Variants in LTBP1 observed in about 807,000 individuals in gnomAD.
LTBP1 encodes the protein latent transforming growth factor beta binding protein 1.
A neutral mutation model predicts 207.6 loss-of-function variants in LTBP1; 129 were observed. That is an observed-to-expected ratio of 0.62 (90% CI 0.54 to 0.72). The LOEUF (loss-of-function observed/expected upper bound fraction) is 0.72, where lower values mean the gene tolerates loss of function less well. Among genes scored for constraint, LTBP1 ranks in the 30% least tolerant of loss-of-function variants. LTBP1 has a pLI of 0.00. For synonymous variants in LTBP1, 963 were observed against 833.7 expected, an observed-to-expected ratio of 1.16 and a Z score of -2.67; for missense variants, 2,281 against 2,217.2, an observed-to-expected ratio of 1.03 and a Z score of -0.58.
intron 2 of LTBP1, among the ~76,000 whole-genome samples, chr2:32,979,778 T>C (rs993947196): frequency 2.6e-5 from 4 of 152,202 alleles, no homozygotes; most frequent in African/African-American, 9.6e-5. Context: ...AAGTGTGCAG[T>C]GTTAAAGTTT....
At chr2:33,380,424 CAA>C (rs35730871) in intron 31 of LTBP1, among the ~76,000 whole-genome samples, 6 of 125,652 alleles carry the variant, frequency 4.8e-5, no homozygotes, top group Non-Finnish European at 6.8e-5. Context: ...TAAAAAAATA[CAA>C]AAAAAAAAAA....
intron 24 of LTBP1, among the ~76,000 whole-genome samples, chr2:33,322,364 G>C (rs2094368306): frequency 6.6e-6 from 1 of 152,138 alleles, no homozygotes. Flanking sequence ...AACAACCCGA[G>C]TCCTTTTTAG....
chr2:33,005,744 G>A lies in LTBP1; in HGVS notation c.566-15165G>A, dbSNP rs185639869. Among the ~76,000 whole-genome samples, 19 of 152,026 alleles carry A rather than the reference G, an allele frequency of 1.2e-4. No individual in the cohort carries two copies. The East Asian group carries it at 3.7e-3, about 30-fold the overall frequency. On this transcript the variant is annotated intron_variant, in intron 2 of 33. Transcript: ENST00000404816. ...TGGGCTTACAGGCGCCCGCCAACATGCCTGGCTAATTTTTGTATTTTTAGT... is the reference window on the plus strand; with the variant it reads ...TGGGCTTACAGGCGCCCGCCAACATACCTGGCTAATTTTTGTATTTTTAGT...
At chr2:33,031,839 A>G (rs1361310214) in intron 3 of LTBP1, among the ~76,000 whole-genome samples, 2 of 152,170 alleles carry the variant, frequency 1.3e-5, no homozygotes, top group African/African-American at 4.8e-5. Context: ...AGGAATATGA[A>G]GATGGCTCTG....
intron 2 of LTBP1, among the ~76,000 whole-genome samples, chr2:32,949,263 C>T (rs1190115617): frequency 2.0e-5 from 3 of 152,202 alleles, no homozygotes; most frequent in Non-Finnish European, 2.9e-5. Flanking sequence ...TGCCATATGG[C>T]AGAACCAATG....
At chr2:33,020,325 G>A (rs1205711624) in intron 2 of LTBP1, among the ~76,000 whole-genome samples, 1 of 152,078 alleles carries the variant, frequency 6.6e-6, no homozygotes, top group Non-Finnish European at 1.5e-5. Flanking sequence ...TGGGGTTGGG[G>A]ATTGGACTGA....
intron 2 of LTBP1, among the ~76,000 whole-genome samples, chr2:33,014,968 C>G (rs1394856486): frequency 6.6e-6 from 1 of 150,836 alleles, no homozygotes; most frequent in East Asian, 1.9e-4. Context: ...CTGAGTTTAT[C>G]GCTGTCTTGG....
At chr2:33,125,331 T>C (rs1486012654) in intron 4 of LTBP1, among the ~76,000 whole-genome samples, 8 of 152,290 alleles carry the variant, frequency 5.3e-5, no homozygotes, top group Middle Eastern at 3.4e-3. Flanking sequence ...GCTTACATGA[T>C]TGTCATGTGT....
intron 4 of LTBP1, among the ~76,000 whole-genome samples, chr2:33,111,576 C>T (rs1250330759): frequency 6.6e-6 from 1 of 152,158 alleles, no homozygotes; most frequent in African/African-American, 2.4e-5. Flanking sequence ...ACAGTTTTTA[C>T]TACTGTTTGG....
At chr2:33,244,356 C>T (rs529062608) in intron 10 of LTBP1, among the ~76,000 whole-genome samples, 37 of 152,192 alleles carry the variant, frequency 2.4e-4, no homozygotes, top group Non-Finnish European at 4.1e-4. Flanking sequence ...CCAAAATGAC[C>T]CTAAATTATA....
chr2:33,021,621 C>A (rs1179936976), intron 3 of LTBP1, among the ~76,000 whole-genome samples: 3 of 152,118 alleles, frequency 2.0e-5, no homozygotes, highest in African/African-American at 2.4e-5. Flanking sequence ...GGTAAGAACT[C>A]AGCTTGCACA....
intron 26 of LTBP1, among the ~76,000 whole-genome samples, chr2:33,360,023 T>C (rs1274900398): frequency 6.6e-6 from 1 of 152,220 alleles, no homozygotes; most frequent in Non-Finnish European, 1.5e-5. Context: ...CTGGCACTCA[T>C]TATGTCATTC....
chr2:33,285,561 G>A (rs1244610250), intron 19 of LTBP1, among the ~76,000 whole-genome samples: 1 of 148,406 alleles, frequency 6.7e-6, no homozygotes, highest in Non-Finnish European at 1.5e-5. Flanking sequence ...CAGTTCTCCT[G>A]CCTCAGTCTC....
Position 33,286,789 on chromosome 2 carries a change from G to A in LTBP1, c.3113-6371G>A, listed in dbSNP as rs555551979. ...AGTTCATGTCCTTTGTAGGGACAGG[G>A]ATGAAGCTGGAAACCATCATTCTCA... is the stretch of plus-strand genomic sequence containing the variant. On this transcript the variant is annotated intron_variant, in intron 19 of 33. Transcript: ENST00000404816. 3.3e-5 allele frequency among the ~76,000 whole-genome samples: 5 copies of A among 152,284 alleles called. No individual in the cohort carries two copies. The South Asian group carries it at 1.0e-3, about 32-fold the overall frequency.
intron 15 of LTBP1, among the ~76,000 whole-genome samples, chr2:33,272,956 G>A (rs1164594370): frequency 6.6e-6 from 1 of 152,032 alleles, no homozygotes; most frequent in Admixed American, 6.6e-5. Context: ...ACTTGAACAG[G>A]GCTAATCTGT....
chr2:33,027,359 G>T (rs1209200455), intron 3 of LTBP1, among the ~76,000 whole-genome samples: 1 of 152,082 alleles, frequency 6.6e-6, no homozygotes, highest in Non-Finnish European at 1.5e-5. Context: ...TTGGTTTGTG[G>T]TGAGAATGTT....
intron 24 of LTBP1, among the ~76,000 whole-genome samples, chr2:33,315,500 C>T (rs1430071918): frequency 6.6e-6 from 1 of 152,170 alleles, no homozygotes; most frequent in African/African-American, 2.4e-5. Context: ...GGCTCCACGA[C>T]TGGTACTGAA....
At chr2:33,096,979 A>T (rs536528194) in intron 3 of LTBP1, among the ~76,000 whole-genome samples, 1 of 152,284 alleles carries the variant, frequency 6.6e-6, no homozygotes, top group African/African-American at 2.4e-5. Context: ...GGTGACTCTT[A>T]TAGGGTAGAA....
At chr2:32,963,072 A>G (rs143066781) in intron 2 of LTBP1, among the ~76,000 whole-genome samples, 73 of 152,264 alleles carry the variant, frequency 4.8e-4, no homozygotes, top group African/African-American at 1.7e-3. Context: ...GGCTTCATTT[A>G]CCCTTTCCCC....
Sources: allele counts gnomAD v4.1 joint callset (sites outside exome capture counted in the v4.1 genomes callset), GRCh38; gene constraint gnomAD v4.1.1; transcripts MANE v1.5; gene names NCBI Gene and HGNC (gene_info 2026-07-23, HGNC 2026-07-21).